Variants in PTPRD observed in about 807,000 individuals in gnomAD.
PTPRD encodes receptor-type tyrosine-protein phosphatase delta.
A neutral mutation model predicts 214.5 loss-of-function variants in PTPRD; 34 were observed. That is an observed-to-expected ratio of 0.16 (90% confidence interval 0.12 to 0.21). The LOEUF (loss-of-function observed/expected upper bound fraction) is 0.21. Among genes scored for constraint, PTPRD ranks in the 10% least tolerant of loss-of-function variants. The pLI, the probability that PTPRD is intolerant of heterozygous loss-of-function variation, is 1.00. For missense variants in PTPRD, 2,545 were observed against 2,398.7 expected, an observed-to-expected ratio of 1.06 and a Z score of -1.27; for synonymous variants, 1,128 against 845.7, an observed-to-expected ratio of 1.33 and a Z score of -5.79.
At chr9:9,296,780 G>A (rs1008008715) in intron 9 of PTPRD, among the ~76,000 whole-genome samples, 1 of 151,668 alleles carries the variant, frequency 6.6e-6, no homozygotes, top group Non-Finnish European at 1.5e-5. Context: ...AGGGACTTAC[G>A]TAGATGAATC....
chr9:9,802,628 C>T (rs908961323), intron 5 of PTPRD, among the ~76,000 whole-genome samples: 4 of 151,404 alleles, frequency 2.6e-5, no homozygotes, highest in African/African-American at 7.3e-5. Context: ...CACACAAAGC[C>T]CAGGATGCTA....
At chr9:9,942,250 C>T (rs1461598601) in intron 4 of PTPRD, among the ~76,000 whole-genome samples, 3 of 152,010 alleles carry the variant, frequency 2.0e-5, no homozygotes, top group Non-Finnish European at 4.4e-5. Flanking sequence ...TAAAAAAATT[C>T]AATGATTTAC....
intron 8 of PTPRD, among the ~76,000 whole-genome samples, chr9:9,495,173 GGTC>G (rs1569568805): frequency 6.6e-6 from 1 of 151,684 alleles, no homozygotes; most frequent in African/African-American, 2.4e-5. Context: ...CCTCAAAATG[GGTC>G]TAAATGTCAG....
intron 12 of PTPRD, among the ~76,000 whole-genome samples, chr9:8,650,354 ACT>A (rs1345360565): frequency 6.6e-6 from 1 of 151,874 alleles, no homozygotes; most frequent in African/African-American, 2.4e-5. Context: ...ACATGGAGAA[ACT>A]CTGTCTCTAC....
intron 9 of PTPRD, among the ~76,000 whole-genome samples, chr9:9,295,854 T>C (rs1438386688): frequency 2.0e-5 from 3 of 151,862 alleles, no homozygotes; most frequent in South Asian, 4.1e-4. Flanking sequence ...GCAACGCCTC[T>C]CTCTATGCCC....
At chr9:10,118,922 G>C (rs887975525) in intron 3 of PTPRD, among the ~76,000 whole-genome samples, 15 of 146,258 alleles carry the variant, frequency 1.0e-4, no homozygotes, top group African/African-American at 3.4e-4. Context: ...GATGAAGGAA[G>C]AGGGCATATT....
At chr9:9,597,515 A>T (rs987267627) in intron 7 of PTPRD, among the ~76,000 whole-genome samples, 1 of 152,076 alleles carries the variant, frequency 6.6e-6, no homozygotes, top group Non-Finnish European at 1.5e-5. Context: ...CAACATGATT[A>T]TTATAAAGAA....
intron 11 of PTPRD, among the ~76,000 whole-genome samples, chr9:8,974,024 A>G (rs1309256085): frequency 6.6e-6 from 1 of 152,028 alleles, no homozygotes; most frequent in African/African-American, 2.4e-5. Context: ...TACTCTGTCC[A>G]TAGTTTCTTT....
chr9:9,919,203 T>C (rs1436753114), intron 5 of PTPRD, among the ~76,000 whole-genome samples: 1 of 152,152 alleles, frequency 6.6e-6, no homozygotes, highest in African/African-American at 2.4e-5. Flanking sequence ...CTTTTCATAC[T>C]GATTTAGCAC....
chr9:9,061,169 A>T (rs1315335981), intron 10 of PTPRD, among the ~76,000 whole-genome samples: 1 of 152,126 alleles, frequency 6.6e-6, no homozygotes, highest in African/African-American at 2.4e-5. Context: ...CATCATGGTT[A>T]CCTGGGCTAT....
intron 2 of PTPRD, among the ~76,000 whole-genome samples, chr9:10,436,665 T>G (rs10809093): frequency 0.11 from 16,107 of 151,824 alleles, 1,635 homozygotes; most frequent in East Asian, 0.56. Context: ...TCTCTTCTAG[T>G]GCTTGAAATA....
intron 43 of PTPRD, among the ~76,000 whole-genome samples, chr9:8,336,654 CAG>C (rs1178100373): frequency 7.0e-6 from 1 of 143,522 alleles, no homozygotes; most frequent in Non-Finnish European, 1.5e-5. Flanking sequence ...AAACTACCAT[CAG>C]AGTGAACAGG....
chr9:8,703,294 TATG>T (rs2098130682), intron 12 of PTPRD, among the ~76,000 whole-genome samples: 2 of 152,202 alleles, frequency 1.3e-5, no homozygotes, highest in Non-Finnish European at 2.9e-5. Flanking sequence ...AATGAGTACT[TATG>T]ATATTACATA....
intron 12 of PTPRD, among the ~76,000 whole-genome samples, chr9:8,724,837 C>T (rs761608029): frequency 4.6e-5 from 7 of 151,952 alleles, no homozygotes; most frequent in Non-Finnish European, 1.0e-4. Context: ...ACTAGTGATG[C>T]TGAAGTGGGA....
rs1296582000 is a variant in PTPRD at position 9,073,683 on chromosome 9, C to T, written c.-142-54948G>A. Among the ~76,000 whole-genome samples the T allele has an allele frequency of 2.6e-5, 4 of 152,108 alleles. No individual in the cohort carries two copies. The South Asian group carries it at 6.2e-4, about 24-fold the overall frequency. Reference sequence around the variant, plus strand: ...TGCACCTCCAGCCTGTCGGCTTGCCCTATTAATTTTGGACTTGTCAGCTCC... The same window carrying T: ...TGCACCTCCAGCCTGTCGGCTTGCCTTATTAATTTTGGACTTGTCAGCTCC... On this transcript the variant is annotated intron_variant, in intron 10 of 45. Coordinates refer to ENST00000381196, the MANE Select transcript of PTPRD (RefSeq NM_002839.4).
intron 9 of PTPRD, among the ~76,000 whole-genome samples, chr9:9,339,706 CGTAA>C (rs773523390): frequency 6.6e-6 from 1 of 152,104 alleles, no homozygotes; most frequent in Non-Finnish European, 1.5e-5. Flanking sequence ...TATTTGCTTA[CGTAA>C]GTAATTGTAC....
At chr9:8,397,563 G>C (rs1190504336) in intron 36 of PTPRD, among the ~76,000 whole-genome samples, 1 of 152,136 alleles carries the variant, frequency 6.6e-6, no homozygotes, top group African/African-American at 2.4e-5. Context: ...TGGGTACAAT[G>C]TGAAATTGGA....
rs775225763 is a variant in PTPRD, at chr9:10,142,437, AAAC to A, written c.-544-108650_-544-108648del. On this transcript the variant is annotated intron_variant, in intron 3 of 45. Transcript: ENST00000381196. ...TCAAACAAATTTACGAGAAAAAAAC[AAAC>A]AACTCCATCAAAAAGTGGGCAAAGG... 8.2e-3 allele frequency among the ~76,000 whole-genome samples: 1,256 copies of A among 152,244 alleles called. 12 individuals are homozygous for A. The highest frequency in any genetic ancestry group is 0.01 in the Non-Finnish European group (707 of 68,022).
intron 10 of PTPRD, among the ~76,000 whole-genome samples, chr9:9,096,334 T>A (rs1018940742): frequency 6.6e-6 from 1 of 152,174 alleles, no homozygotes; most frequent in Non-Finnish European, 1.5e-5. Flanking sequence ...GTTGTAGACC[T>A]TAAATATACG....
Sources: allele counts gnomAD v4.1 joint callset (sites outside exome capture counted in the v4.1 genomes callset), GRCh38; gene constraint gnomAD v4.1.1; transcripts MANE v1.5; gene names NCBI Gene and HGNC (gene_info 2026-07-23, HGNC 2026-07-21).